IGSF23: variants seen among roughly 807,000 people sequenced by gnomAD.
IGSF23 encodes the protein immunoglobulin superfamily, member 23.
IGSF23 carries 14 observed loss-of-function variants against 17.8 expected under a neutral mutation model. The observed-to-expected ratio is 0.79, with a 90% CI of 0.52 to 1.23. IGSF23 has a LOEUF of 1.23. Among genes scored for constraint, IGSF23 ranks in the 50% most tolerant of loss-of-function variants. IGSF23 has a pLI of 0.00. For missense variants in IGSF23, 214 were observed against 241.7 expected (o/e 0.89, Z 0.76); for synonymous variants, 85 against 92.5 (o/e 0.92, Z 0.46).
intron 1 of IGSF23, chr19:44,618,078 G>C (rs759895423): frequency 4.2e-6 from 2 of 470,790 alleles, no homozygotes; most frequent in Non-Finnish European, 8.8e-6. Flanking sequence ...CTTCCAAGGC[G>C]CCCTGCTCAC....
At chr19:44,632,953 A>G (rs954467089) in intron 3 of IGSF23, among the ~76,000 whole-genome samples, 5 of 152,248 alleles carry the variant, frequency 3.3e-5, no homozygotes, top group African/African-American at 9.6e-5. Context: ...AGAATCAGAA[A>G]TCATATTAAT....
In IGSF23 at chr19:44,627,351, C is replaced by T. The variant is rs1020563739; in HGVS notation, c.392-69C>T. 3.6e-6 allele frequency: 5 copies of T among 1,394,458 alleles called. No individual in the cohort carries two copies. In the Admixed American group the frequency reaches 7.6e-5, roughly 21 times the overall value. 86.4% of individuals were successfully genotyped at this position (1,394,458 alleles called of 1,614,324 possible). ...AAGAGACACTTGGGAGGGGGAATGG[C>T]AGGAGGGAGGGGTGCACAGGGAGGG... On this transcript the variant is annotated intron_variant, in intron 2 of 4. Transcript: ENST00000402988.
chr19:44,634,378 C>T (rs535127554), intron 3 of IGSF23, among the ~76,000 whole-genome samples: 5 of 152,316 alleles, frequency 3.3e-5, no homozygotes, highest in African/African-American at 1.2e-4. Flanking sequence ...ATTATTTCTA[C>T]ATTCTTTTTT....
At chr19:44,619,625 T>A (rs1031637971) in intron 1 of IGSF23, among the ~76,000 whole-genome samples, 1 of 152,234 alleles carries the variant, frequency 6.6e-6, no homozygotes, top group African/African-American at 2.4e-5. Flanking sequence ...ATGAAGCTGC[T>A]GGCAGGTTTC....
intron 3 of IGSF23, among the ~76,000 whole-genome samples, chr19:44,633,118 G>T (rs1972805384): frequency 6.6e-6 from 1 of 152,220 alleles, no homozygotes; most frequent in Admixed American, 6.5e-5. Context: ...ATGCTTAGCA[G>T]GCTACAGTAT....
At chr19:44,627,290 C>A in intron 2 of IGSF23, 130 bp from the exon 3 acceptor site, 1 of 929,262 alleles carries the variant, frequency 1.1e-6, no homozygotes, top group Non-Finnish European at 1.6e-6. Context: ...GGAGAGGGGG[C>A]CAGAGACCTG....
At chr19:44,614,304 C>T (rs984242085) in intron 1 of IGSF23, among the ~76,000 whole-genome samples, 7 of 152,206 alleles carry the variant, frequency 4.6e-5, no homozygotes, top group Admixed American at 2.6e-4. Context: ...TGCCCTGTCT[C>T]ACCCCTGCAA....
rs554392697 is a variant in IGSF23, at chr19:44,636,007, T to C, written c.*32-412T>C. Among the ~76,000 whole-genome samples the C allele has an allele frequency of 4.6e-5, 7 of 152,318 alleles. No homozygotes were observed. The East Asian group carries it at 1.4e-3, about 29-fold the overall frequency. On this transcript the variant is annotated intron_variant, in intron 4 of 4. Transcript: ENST00000402988. ...TGCCCAGGGGCTGTCTGGACTAGGA[T>C]AGCCTCATAGCTGGGACAACTGGCC...
In IGSF23 at chr19:44,615,375, G is replaced by A. The variant is rs1410726431; in HGVS notation, c.125+1605G>A. On this transcript the variant is annotated intron_variant, in intron 1 of 4. Coordinates refer to ENST00000402988, the MANE Select transcript of IGSF23 (RefSeq NM_001205280.2). ...GGGATTACAAAGTGCTGTAATCCCA[G>A]CACTTTGGGAGGCCAAGGCGGGCGG... Among the ~76,000 whole-genome samples, 9 of 152,138 alleles carry A rather than the reference G, an allele frequency of 5.9e-5. No individual in the cohort carries two copies. In the East Asian group the frequency reaches 1.7e-3, roughly 30 times the overall value.
intron 3 of IGSF23, chr19:44,632,217 T>C (rs1234836181): frequency 7.0e-6 from 2 of 285,452 alleles, no homozygotes; most frequent in Non-Finnish European, 1.4e-5. Flanking sequence ...AGAAAGCACA[T>C]GTAACTGTGT....
chr19:44,618,970 G>A (rs146288469), intron 1 of IGSF23, among the ~76,000 whole-genome samples: 134 of 128,494 alleles, frequency 1.0e-3, no homozygotes, highest in African/African-American at 3.8e-3. Context: ...CCTGAGACTG[G>A]GTTATTTATT....
intron 3 of IGSF23, among the ~76,000 whole-genome samples, chr19:44,628,397 T>G (rs1376973474): frequency 2.0e-5 from 3 of 152,106 alleles, no homozygotes; most frequent in Non-Finnish European, 4.4e-5. Context: ...CTCATGGAAC[T>G]TGCATCCTGG....
intron 2 of IGSF23, among the ~76,000 whole-genome samples, chr19:44,625,189 T>C (rs1273511380): frequency 1.3e-5 from 2 of 152,174 alleles, no homozygotes; most frequent in African/African-American, 4.8e-5. Context: ...TTTCCTCATC[T>C]ATAACACTGG....
intron 2 of IGSF23, among the ~76,000 whole-genome samples, chr19:44,626,475 A>G (rs846859): frequency 0.31 from 47,599 of 152,080 alleles, 7,565 homozygotes; most frequent in Non-Finnish European, 0.35. Flanking sequence ...CACAAGACTT[A>G]CAGTCCAGTG....
rs35293009 is a variant in IGSF23, at chr19:44,626,920, CA to C, written c.392-484del. ...CTGGTGACAGAGGGAGACTCTGTCT[CA>C]AAAAAAAAAAAAAAAGGAATTATGC... On this transcript the variant is annotated intron_variant, in intron 2 of 4. Coordinates refer to ENST00000402988, the MANE Select transcript of IGSF23 (RefSeq NM_001205280.2). 8.5e-3 allele frequency among the ~76,000 whole-genome samples: 887 copies of C among 103,844 alleles called. 3 individuals are homozygous for C. Among genetic ancestry groups the C allele is most frequent in the African/African-American group, 0.028 (694 of 25,054 alleles). 68.1% of individuals were successfully genotyped at this position (103,844 alleles called of 152,430 possible). A position where few individuals can be genotyped will look rare whatever the true frequency, so the allele number is the denominator to read the frequency against.
At chr19:44,618,381 G>A (rs1164952044) in intron 1 of IGSF23, among the ~76,000 whole-genome samples, 2 of 152,302 alleles carry the variant, frequency 1.3e-5, no homozygotes, top group East Asian at 3.9e-4. Flanking sequence ...ACCAGCAGGG[G>A]ACACAGGAGT....
At chr19:44,618,981 T>TAAAAAAA (rs34199985) in intron 1 of IGSF23, among the ~76,000 whole-genome samples, 1 of 145,112 alleles carries the variant, frequency 6.9e-6, no homozygotes. Context: ...GTTATTTATT[T>TAAAAAAA]AAAAAAAAAA....
chr19:44,631,307 G>T (rs1972761435), intron 3 of IGSF23, among the ~76,000 whole-genome samples: 1 of 151,908 alleles, frequency 6.6e-6, no homozygotes. Flanking sequence ...TTAAAAACAG[G>T]CTGGGCACAG....
At chr19:44,635,315 G>C (rs765002794) in intron 3 of IGSF23, 86 bp from the exon 4 acceptor site, 14 of 1,061,498 alleles carry the variant, frequency 1.3e-5, no homozygotes, top group Non-Finnish European at 1.9e-5. Flanking sequence ...TATTAATTTG[G>C]GGAACGGATA....
Sources: gnomAD v4.1 joint callset for allele counts (sites outside exome capture counted in the v4.1 genomes callset) on GRCh38, gnomAD v4.1.1 for gene constraint, MANE v1.5 for transcripts, NCBI Gene and HGNC (gene_info 2026-07-23, HGNC 2026-07-21) for gene names.